The following POU6F2 variants were observed in gnomAD, a reference collection of about 807,000 sequenced individuals.
POU6F2 encodes the protein POU class 6 homeobox 2.
A neutral mutation model predicts 71.3 loss-of-function variants in POU6F2; 31 were observed. The ratio of observed to expected loss-of-function variants is 0.43; its 90% CI spans 0.33 to 0.59. The LOEUF (loss-of-function observed/expected upper bound fraction) is 0.59, where lower values mean the gene tolerates loss of function less well. Ranked by LOEUF, POU6F2 falls within the 20% of genes least tolerant of loss-of-function variation. POU6F2 has a pLI of 0.04. For missense variants in POU6F2, 783 were observed against 856.8 expected (o/e 0.91, Z 1.07); for synonymous variants, 347 against 355.7 (o/e 0.98, Z 0.27).
intron 2 of POU6F2, among the ~76,000 whole-genome samples, chr7:39,127,134 T>G (rs1792155505): frequency 6.6e-6 from 1 of 152,232 alleles, no homozygotes; most frequent in South Asian, 2.1e-4. Flanking sequence ...AGTGAGATAT[T>G]TTACATTCTC....
At chr7:39,067,803 T>G (rs1478453171) in intron 1 of POU6F2, among the ~76,000 whole-genome samples, 1 of 152,116 alleles carries the variant, frequency 6.6e-6, no homozygotes, top group East Asian at 1.9e-4. Context: ...AGAAGAAACT[T>G]AATTAGCTAA....
intron 1 of POU6F2, among the ~76,000 whole-genome samples, chr7:39,067,566 T>A (rs886941214): frequency 3.9e-5 from 6 of 152,026 alleles, no homozygotes; most frequent in African/African-American, 1.4e-4. Context: ...TTTTCACTAA[T>A]CTCAATGTCA....
chr7:39,442,307 CT>C (rs1233146215), intron 7 of POU6F2, among the ~76,000 whole-genome samples: 7 of 152,128 alleles, frequency 4.6e-5, no homozygotes, highest in African/African-American at 1.7e-4. Context: ...AAATATGTCA[CT>C]AAGACAGCAG....
At chr7:39,398,659 C>T (rs545868401) in intron 5 of POU6F2, among the ~76,000 whole-genome samples, 59 of 152,288 alleles carry the variant, frequency 3.9e-4, no homozygotes, top group Middle Eastern at 3.4e-3. Context: ...CTGGTGGAAA[C>T]AGCAAAGCAA....
intron 2 of POU6F2, among the ~76,000 whole-genome samples, chr7:39,111,043 T>C (rs930413609): frequency 2.6e-5 from 4 of 152,244 alleles, no homozygotes; most frequent in African/African-American, 7.2e-5. Flanking sequence ...AATTGTGTTA[T>C]ACATTCTGTG....
intron 2 of POU6F2, among the ~76,000 whole-genome samples, chr7:39,089,814 C>T (rs1016003187): frequency 6.6e-6 from 1 of 152,176 alleles, no homozygotes; most frequent in Non-Finnish European, 1.5e-5. Flanking sequence ...AATATTTTCT[C>T]CCATATATAT....
At chr7:39,015,029 C>A (rs1362857014) in intron 1 of POU6F2, among the ~76,000 whole-genome samples, 2 of 151,896 alleles carry the variant, frequency 1.3e-5, no homozygotes, top group African/African-American at 4.8e-5. Context: ...ATTCAGATGA[C>A]CACTGAGAAT....
intron 1 of POU6F2, among the ~76,000 whole-genome samples, chr7:39,001,527 G>A (rs1788904807): frequency 1.3e-5 from 2 of 152,190 alleles, no homozygotes; most frequent in Admixed American, 6.5e-5. Flanking sequence ...CTAAGCTAGT[G>A]AATTATGATT....
At chr7:39,231,569 C>G (rs1361928433) in intron 4 of POU6F2, among the ~76,000 whole-genome samples, 1 of 152,112 alleles carries the variant, frequency 6.6e-6, no homozygotes, top group Admixed American at 6.5e-5. Context: ...CTGATTGACA[C>G]ATAGACCCTA....
chr7:39,237,149 G>A (rs1014081546), intron 4 of POU6F2, among the ~76,000 whole-genome samples: 3 of 152,180 alleles, frequency 2.0e-5, no homozygotes, highest in South Asian at 2.1e-4. Flanking sequence ...GCAGAAGCCT[G>A]AATGAAGCTG....
chr7:39,134,057 A>G (rs1008946019), intron 2 of POU6F2, among the ~76,000 whole-genome samples: 5 of 151,908 alleles, frequency 3.3e-5, no homozygotes, highest in Non-Finnish European at 7.4e-5. Flanking sequence ...TATTTTTTGT[A>G]GAGATAGAGT....
intron 1 of POU6F2, among the ~76,000 whole-genome samples, chr7:39,050,393 G>A (rs192944900): frequency 1.3e-5 from 2 of 152,066 alleles, no homozygotes; most frequent in Non-Finnish European, 2.9e-5. Context: ...AGGCTGTTTT[G>A]CAGTTTCTGG....
At chr7:39,152,636 G>GATT (rs1792785465) in intron 2 of POU6F2, among the ~76,000 whole-genome samples, 3 of 152,018 alleles carry the variant, frequency 2.0e-5, no homozygotes, top group Non-Finnish European at 4.4e-5. Flanking sequence ...CACTCCCTAG[G>GATT]TCCCCTGACT....
intron 4 of POU6F2, among the ~76,000 whole-genome samples, chr7:39,271,801 C>A (rs78169000): frequency 6.6e-6 from 1 of 151,982 alleles, no homozygotes; most frequent in South Asian, 2.1e-4. Flanking sequence ...CCGTTCAAAT[C>A]GTCATTCAAC....
chr7:39,381,451 A>G (rs959844725), intron 5 of POU6F2, among the ~76,000 whole-genome samples: 2 of 152,138 alleles, frequency 1.3e-5, no homozygotes, highest in South Asian at 2.1e-4. Context: ...CACGTTGCCC[A>G]GGCTGGTGTC....
chr7:39,411,303 G>T (rs1476658948), intron 6 of POU6F2, among the ~76,000 whole-genome samples: 1 of 152,194 alleles, frequency 6.6e-6, no homozygotes, highest in African/African-American at 2.4e-5. Context: ...GATTTGTTCA[G>T]CTATAGAATT....
At chr7:39,357,644 A>G (rs1786288052) in intron 5 of POU6F2, among the ~76,000 whole-genome samples, 1 of 152,186 alleles carries the variant, frequency 6.6e-6, no homozygotes, top group South Asian at 2.1e-4. Flanking sequence ...ACATTTTTCC[A>G]AACTGCCACC....
chr7:39,207,378 C>G lies in POU6F2; in HGVS notation c.370-14C>G, dbSNP rs1481466711. ...CCACAGGAAAGTGAGCTAGCTGTAT[C>G]TGTTTCCTTGCAGCCACTTCTGACG... is the stretch of plus-strand genomic sequence containing the variant. On this transcript the variant is annotated splice_polypyrimidine_tract_variant and intron_variant, in intron 3 of 9. Transcript: ENST00000518318. 1 of 1,612,162 alleles carries G rather than the reference C, an allele frequency of 6.2e-7. No individual in the cohort carries two copies. The highest frequency in any genetic ancestry group is 1.1e-5 in the South Asian group (1 of 90,982).
intron 6 of POU6F2, among the ~76,000 whole-genome samples, chr7:39,416,238 C>G (rs76698012): frequency 2.0e-3 from 302 of 152,146 alleles, no homozygotes; most frequent in African/African-American, 6.9e-3. Flanking sequence ...AGAAACCAGA[C>G]AGGTAGTGTC....
Sources: gnomAD v4.1 joint callset for allele counts (sites outside exome capture counted in the v4.1 genomes callset) on GRCh38, gnomAD v4.1.1 for gene constraint, MANE v1.5 for transcripts, NCBI Gene and HGNC (gene_info 2026-07-23, HGNC 2026-07-21) for gene names.